SLIT3: variants seen among roughly 807,000 people sequenced by gnomAD.
SLIT3 encodes slit homolog 3 protein.
A neutral mutation model predicts 184.0 loss-of-function variants in SLIT3; 68 were observed. The observed-to-expected ratio is 0.37, with a 90% CI of 0.30 to 0.45. The LOEUF (loss-of-function observed/expected upper bound fraction) is 0.45, where lower values mean the gene tolerates loss of function less well. SLIT3 is among the 20% of genes least tolerant of loss of function. The probability of loss-of-function intolerance (pLI) is 1.00; values close to 1 mark genes in which losing one functional copy is unlikely to be tolerated. For missense variants in SLIT3, 1,707 were observed against 2,026.0 expected (o/e 0.84, Z 3.02); for synonymous variants, 831 against 828.6 (o/e 1.00, Z -0.05).
At chr5:168,774,112 C>G (rs934999294) in intron 13 of SLIT3, 123 bp downstream of exon 13, 5 of 931,546 alleles carry the variant, frequency 5.4e-6, no homozygotes, top group Non-Finnish European at 8.1e-6. Context: ...TCTAGCTTCC[C>G]TGCAGGCTCT....
chr5:169,079,859 G>A (rs75652269), intron 4 of SLIT3, among the ~76,000 whole-genome samples: 15 of 130,812 alleles, frequency 1.1e-4, no homozygotes, highest in East Asian at 3.7e-4. Context: ...AGGAGGGAGG[G>A]AGGAGGAAAG....
chr5:168,937,879 C>CT (rs1562016231), intron 4 of SLIT3, among the ~76,000 whole-genome samples: 352 of 140,662 alleles, frequency 2.5e-3, no homozygotes, highest in African/African-American at 0.01. Flanking sequence ...AATCATTATG[C>CT]ATTTTTTTTT....
At position 168,883,304 on chromosome 5, in the gene SLIT3, G is replaced by A. The variant is rs543524678; in HGVS notation, c.446C>T (p.Pro149Leu). ...DLSENQIQGI[P>L]RKAFRGITDV... ...GGTGATGCCGCGGAACGCCTTCCTC[G>A]GGATCCCCTGGATCTGGTTTTCACT... Residue 149 changes from proline to leucine, a missense_variant, in exon 5 of 36, where the codon CCG becomes CTG. Pro to Leu is a moderately conservative substitution (Grantham distance 98). Transcript: ENST00000519560. 7.4e-6 allele frequency: 12 copies of A among 1,614,022 alleles called. No homozygotes were observed. The highest frequency in any genetic ancestry group is 1.7e-5 in the Admixed American group (1 of 60,022).
At chr5:169,218,945 G>A (rs1296094978) in intron 3 of SLIT3, among the ~76,000 whole-genome samples, 2 of 152,166 alleles carry the variant, frequency 1.3e-5, no homozygotes, top group Non-Finnish European at 2.9e-5. Flanking sequence ...TGAAATGTTG[G>A]GAGGCTCCAA....
chr5:168,790,843 T>TC (rs1165149846), intron 10 of SLIT3: 3 of 152,226 alleles, frequency 2.0e-5, no homozygotes, highest in African/African-American at 4.8e-5. Context: ...TTTCCTTCCT[T>TC]CTTCTAATAG....
intron 6 of SLIT3, among the ~76,000 whole-genome samples, chr5:168,828,591 T>C (rs190275074): frequency 6.8e-6 from 1 of 146,472 alleles, no homozygotes; most frequent in Admixed American, 7.0e-5. Flanking sequence ...GCCTGGTAAG[T>C]CAAGGTTGCA....
At chr5:169,174,500 T>C (rs1762911840) in intron 4 of SLIT3, among the ~76,000 whole-genome samples, 1 of 152,118 alleles carries the variant, frequency 6.6e-6, no homozygotes, top group South Asian at 2.1e-4. Flanking sequence ...TGGTTTTGTC[T>C]TCATCTCTTA....
chr5:169,132,163 G>A (rs1761323854), intron 4 of SLIT3, among the ~76,000 whole-genome samples: 1 of 152,142 alleles, frequency 6.6e-6, no homozygotes, highest in Admixed American at 6.5e-5. Context: ...GCCTGTGGAC[G>A]ATAACGGGGT....
At chr5:169,014,096 AAGGCAGGCAGGC>A (rs60057409) in intron 4 of SLIT3, among the ~76,000 whole-genome samples, 4 of 150,214 alleles carry the variant, frequency 2.7e-5, no homozygotes, top group East Asian at 2.0e-4. Context: ...TGTGGGAAGG[AAGGCAGGCAGGC>A]AGGCAGGCAG....
chr5:168,977,240 G>T (rs1188558053), intron 4 of SLIT3, among the ~76,000 whole-genome samples: 1 of 152,130 alleles, frequency 6.6e-6, no homozygotes, highest in Non-Finnish European at 1.5e-5. Context: ...AGGGAAGGAG[G>T]CAAGAGAAGA....
At chr5:168,861,249 C>T (rs1173669281) in intron 5 of SLIT3, among the ~76,000 whole-genome samples, 4 of 152,000 alleles carry the variant, frequency 2.6e-5, no homozygotes, top group Non-Finnish European at 5.9e-5. Flanking sequence ...AATGCTTTCC[C>T]TCCCCCATCC....
At chr5:168,852,160 G>A (rs1051331614) in intron 5 of SLIT3, among the ~76,000 whole-genome samples, 3 of 152,210 alleles carry the variant, frequency 2.0e-5, no homozygotes, top group Non-Finnish European at 2.9e-5. Context: ...ACACTCTTGA[G>A]CGATAACCAT....
intron 14 of SLIT3, among the ~76,000 whole-genome samples, chr5:168,763,366 G>T (rs895245764): frequency 6.6e-6 from 1 of 152,058 alleles, no homozygotes; most frequent in Non-Finnish European, 1.5e-5. Flanking sequence ...GCCTGATGTT[G>T]CTTTTTTGTT....
rs28692672 is a variant in SLIT3 at position 169,127,363 on chromosome 5, C to T, written c.413+66116G>A. Among the ~76,000 whole-genome samples, 870 of 152,282 alleles carry T rather than the reference C, an allele frequency of 5.7e-3. 7 individuals carry two copies. The highest frequency in any genetic ancestry group is 0.04 in the East Asian group (208 of 5,188). On this transcript the variant is annotated intron_variant, in intron 4 of 35. Transcript: ENST00000519560. Reference sequence around the variant, plus strand: ...AATTACTAAAAGGAAGCAGCAGCTGCTAGGCCCATGAGGCTCCACACAAAA... The same window carrying T: ...AATTACTAAAAGGAAGCAGCAGCTGTTAGGCCCATGAGGCTCCACACAAAA...
rs183169023 is a variant in SLIT3 at position 168,867,959 on chromosome 5, A to G, written c.485+15306T>C. ...GCCAGTAGTTGAATGGGACCCACAG[A>G]TGACTGGATTTGCCCAACATGGTAT... On this transcript the variant is annotated intron_variant, in intron 5 of 35. Coordinates refer to ENST00000519560, the MANE Select transcript of SLIT3 (RefSeq NM_003062.4). 3.3e-5 allele frequency among the ~76,000 whole-genome samples: 5 copies of G among 152,336 alleles called. 1 individual carries two copies. Among genetic ancestry groups the G allele is most frequent in the Admixed American group, 2.0e-4 (3 of 15,294 alleles).
At chr5:168,736,296 G>A (rs564872528) in intron 20 of SLIT3, among the ~76,000 whole-genome samples, 145 of 152,318 alleles carry the variant, frequency 9.5e-4, no homozygotes, top group African/African-American at 3.2e-3. Flanking sequence ...GTGGAGAAGT[G>A]TCCTCTACTG....
At chr5:169,108,531 G>A (rs370497156) in intron 4 of SLIT3, among the ~76,000 whole-genome samples, 2 of 152,220 alleles carry the variant, frequency 1.3e-5, no homozygotes, top group South Asian at 2.1e-4. Context: ...TGGCTCAATT[G>A]TTGTAAGGGT....
At chr5:169,156,445 A>G (rs979978638) in intron 4 of SLIT3, among the ~76,000 whole-genome samples, 4 of 152,214 alleles carry the variant, frequency 2.6e-5, no homozygotes, top group African/African-American at 7.2e-5. Flanking sequence ...TCAGCCTGTC[A>G]ATAGTCCTCG....
At chr5:169,230,312 T>C (rs954258632) in intron 3 of SLIT3, among the ~76,000 whole-genome samples, 1 of 150,204 alleles carries the variant, frequency 6.7e-6, no homozygotes, top group Non-Finnish European at 1.5e-5. Context: ...TCCAGGTTTA[T>C]CCTAACTCTA....
Sources: gnomAD v4.1 joint callset for allele counts (sites outside exome capture counted in the v4.1 genomes callset) on GRCh38, gnomAD v4.1.1 for gene constraint, MANE v1.5 for transcripts, NCBI Gene and HGNC (gene_info 2026-07-23, HGNC 2026-07-21) for gene names.